The following COL4A3 variants were observed in gnomAD, a reference collection of about 807,000 sequenced individuals.
The protein encoded by COL4A3 is collagen alpha-3(IV) chain.
In COL4A3, 135 loss-of-function variants were observed where a neutral mutation model predicts 217.4. That is an observed-to-expected ratio of 0.62 (90% CI 0.54 to 0.72). COL4A3 has a LOEUF of 0.72. Among genes scored for constraint, COL4A3 ranks in the 30% least tolerant of loss-of-function variants. The pLI is 0.00. For missense variants in COL4A3, 1,868 were observed against 2,119.9 expected, an observed-to-expected ratio of 0.88 and a Z score of 2.33; for synonymous variants, 690 against 736.3, an observed-to-expected ratio of 0.94 and a Z score of 1.02.
chr2:227,224,429 A>AAAAC (rs748607325), intron 1 of COL4A3, among the ~76,000 whole-genome samples: 5 of 152,326 alleles, frequency 3.3e-5, no homozygotes, highest in East Asian at 1.9e-4. Flanking sequence ...CCAAACTGAA[A>AAAAC]AAACAAACAA....
Position 227,308,228 on chromosome 2 carries a change from T to C in COL4A3, c.4462+309T>C, listed in dbSNP as rs141461462. ...TGCTTTTTCTTTTTCTTTTTTCTTT[T>C]TCACACAGGGTCTCACTTTCATCAC... On this transcript the variant is annotated intron_variant, in intron 48 of 51. Transcript: ENST00000396578. 2.4e-3 allele frequency among the ~76,000 whole-genome samples: 367 copies of C among 152,304 alleles called. 1 individual carries two copies. The highest frequency in any genetic ancestry group is 8.4e-3 in the African/African-American group (351 of 41,554).
intron 40 of COL4A3, 89 bp from the exon 41 acceptor site, chr2:227,295,180 A>T (rs552072214): frequency 1.3e-6 from 2 of 1,511,474 alleles, no homozygotes; most frequent in African/African-American, 2.7e-5. Flanking sequence ...TATCTTTAAC[A>T]TGTTTTCGGT....
intron 1 of COL4A3, among the ~76,000 whole-genome samples, chr2:227,227,558 A>T (rs1002405794): frequency 3.2e-4 from 49 of 151,980 alleles, no homozygotes; most frequent in African/African-American, 1.2e-3. Context: ...GAAATGCAAC[A>T]CTGCACCTGA....
chr2:227,249,566 G>T (rs2069609661), intron 9 of COL4A3, among the ~76,000 whole-genome samples: 2 of 152,030 alleles, frequency 1.3e-5, no homozygotes, highest in South Asian at 4.2e-4. Context: ...ACTTAGTTCA[G>T]AATTATATGT....
chr2:227,239,991 C>T (rs1249096641), intron 2 of COL4A3, 152 bp from the exon 3 acceptor site: 5 of 768,874 alleles, frequency 6.5e-6, no homozygotes, highest in Admixed American at 4.1e-5. Flanking sequence ...GTAGTCACTC[C>T]TGAGTGCTAA....
chr2:227,238,847 G>T (rs2068850676), intron 2 of COL4A3, among the ~76,000 whole-genome samples: 1 of 152,112 alleles, frequency 6.6e-6, no homozygotes, highest in South Asian at 2.1e-4. Flanking sequence ...TTCTAATTCA[G>T]GTTCCCATTG....
In COL4A3 at chr2:227,240,168, C is replaced by A; in HGVS notation, c.170C>A (p.Pro57His). Reference protein sequence around the residue: ...EKGEKGFPGPPGSPGQKGFTG... With the variant: ...EKGEKGFPGPHGSPGQKGFTG... ...GGGGAGAAGGGCTTTCCTGGACCCC[C>A]CGGTTCTCCTGGCCAGAAAGGATTC... Residue 57 changes from proline (P) to histidine (H), a missense_variant, in exon 3 of 52, where the codon CCC becomes CAC. This residue lies in a region of COL4A3 where 365 missense variants were observed against 333.8 expected (regional missense o/e 1.09). Transcript: ENST00000396578. 2 of 1,611,038 alleles carry A rather than the reference C, an allele frequency of 1.2e-6. No homozygotes were observed. The highest frequency in any genetic ancestry group is 1.7e-6 in the Non-Finnish European group (2 of 1,178,838).
chr2:227,174,957 A>T (rs1371320956), intron 1 of COL4A3, among the ~76,000 whole-genome samples: 1 of 152,206 alleles, frequency 6.6e-6, no homozygotes, highest in Non-Finnish European at 1.5e-5. Context: ...CCCAGTGAAG[A>T]GACAAATGTG....
chr2:227,272,898 TA>T, intron 25 of COL4A3, 50 bp from the exon 26 acceptor site: 1 of 1,583,594 alleles, frequency 6.3e-7, no homozygotes, highest in Non-Finnish European at 8.7e-7. Flanking sequence ...TAACCTGTTG[TA>T]AGAATATACT....
In COL4A3 at chr2:227,214,540, A is replaced by C. The variant is rs1023745326; in HGVS notation, c.88-23428A>C. Among the ~76,000 whole-genome samples the C allele has an allele frequency of 1.1e-4, 17 of 152,346 alleles. 1 individual carries two copies. Among genetic ancestry groups the C allele is most frequent in the Admixed American group, 1.0e-3 (16 of 15,304 alleles). Reference sequence around the variant, plus strand: ...ATATTTCTTGCTTTAATTCCAAATCACTATAGAGTGTGCCCACAGTTGTAT... The same window carrying C: ...ATATTTCTTGCTTTAATTCCAAATCCCTATAGAGTGTGCCCACAGTTGTAT... On this transcript the variant is annotated intron_variant, in intron 1 of 51. Coordinates refer to ENST00000396578, the MANE Select transcript of COL4A3 (RefSeq NM_000091.5).
At chr2:227,295,168 ATTATCT>A in intron 40 of COL4A3, 95 bp from the exon 41 acceptor site, 1 of 1,503,548 alleles carries the variant, frequency 6.7e-7, no homozygotes, top group Non-Finnish European at 9.3e-7. Context: ...GATAGAACTG[ATTATCT>A]TTAACATGTT....
chr2:227,305,197 G>T, intron 47 of COL4A3, 114 bp downstream of exon 47: 1 of 859,354 alleles, frequency 1.2e-6, no homozygotes, highest in South Asian at 1.4e-5. Context: ...ATGTTGTTCA[G>T]ATCAGACCAA....
chr2:227,314,665 T>C lies in COL4A3; in HGVS notation c.*2795T>C, dbSNP rs906294246. ...ATAACCAAATGAAATATATTTAAAA[T>C]ATATTGAATATTTTATATTGTTATA... On this transcript the variant is annotated 3_prime_UTR_variant, in exon 52 of 52. Coordinates refer to ENST00000396578, the MANE Select transcript of COL4A3 (RefSeq NM_000091.5). The C allele has an allele frequency of 1.3e-5, 2 of 152,062 alleles. No individual in the cohort carries two copies. The highest frequency in any genetic ancestry group is 2.4e-5 in the African/African-American group (1 of 41,392). 9.4% of individuals were successfully genotyped at this position (152,062 alleles called of 1,614,324 possible). A position where few individuals can be genotyped will look rare whatever the true frequency, so the allele number is the denominator to read the frequency against.
intron 35 of COL4A3, among the ~76,000 whole-genome samples, chr2:227,289,566 G>A (rs1004322450): frequency 2.6e-5 from 4 of 152,086 alleles, no homozygotes; most frequent in Non-Finnish European, 5.9e-5. Flanking sequence ...GAAGTTTTCA[G>A]GTTTGCATCT....
intron 37 of COL4A3, among the ~76,000 whole-genome samples, chr2:227,291,267 T>C (rs2072684666): frequency 6.6e-6 from 1 of 152,124 alleles, no homozygotes; most frequent in Non-Finnish European, 1.5e-5. Flanking sequence ...AACCTTCTAA[T>C]AAAAAACACT....
Position 227,279,842 on chromosome 2 carries a change from A to G in COL4A3, c.2175A>G (p.Lys725=). 2 of 1,610,828 alleles carry G rather than the reference A, an allele frequency of 1.2e-6. No individual in the cohort carries two copies. Among genetic ancestry groups the G allele is most frequent in the Non-Finnish European group, 1.7e-6 (2 of 1,178,732 alleles). ...AAGGATCACTGGGTTGTCCTGGAAA[A>G]ATGGGAGAGCCTGGGTTACCTGGAA... ...GTKGSLGCPG[K]MGEPGLPGKP... The change falls in exon 29 of 52, where the codon AAA becomes AAG. Residue 725 remains lysine (K), a synonymous_variant. Coordinates refer to ENST00000396578, the MANE Select transcript of COL4A3 (RefSeq NM_000091.5).
At position 227,272,940 on chromosome 2, in the gene COL4A3, T is replaced by G. The variant is rs2071329120; in HGVS notation, c.1759-9T>G. 1 of 1,614,004 alleles carries G rather than the reference T, an allele frequency of 6.2e-7. No homozygotes were observed. ...GAAGCACGATTCAAACACATTCCTG[T>G]TGTCACAGGCTCTGAGTGGTGAGAA... On this transcript the variant is annotated splice_polypyrimidine_tract_variant and intron_variant, in intron 25 of 51. Coordinates refer to ENST00000396578, the MANE Select transcript of COL4A3 (RefSeq NM_000091.5).
At chr2:227,232,238 CT>C (rs2068448105) in intron 1 of COL4A3, among the ~76,000 whole-genome samples, 1 of 152,192 alleles carries the variant, frequency 6.6e-6, no homozygotes, top group South Asian at 2.1e-4. Flanking sequence ...GCTTCCAAAT[CT>C]TAGCTATAGT....
chr2:227,251,295 A>T (rs1246350849), intron 10 of COL4A3, 41 bp from the exon 11 acceptor site: 1 of 1,610,110 alleles, frequency 6.2e-7, no homozygotes, highest in South Asian at 1.1e-5. Context: ...TTCTGGTTGG[A>T]TGCATTTCCT....
Sources: gnomAD v4.1 joint callset for allele counts (sites outside exome capture counted in the v4.1 genomes callset) on GRCh38, gnomAD v4.1.1 for gene constraint, gnomAD v4.1.1 regional missense constraint, MANE v1.5 for transcripts, NCBI Gene and HGNC (gene_info 2026-07-23, HGNC 2026-07-21) for gene names.